The following RAB30 variants were observed in gnomAD, a reference collection of about 807,000 sequenced individuals.
RAB30 encodes the protein RAB30, member RAS oncogene family, also known as ras-related protein Rab-30.
RAB30 carries 9 observed loss-of-function variants against 25.1 expected under a neutral mutation model. That is an observed-to-expected ratio of 0.36 (90% CI 0.22 to 0.63). The LOEUF (loss-of-function observed/expected upper bound fraction) is 0.63, where lower values mean the gene tolerates loss of function less well. Among genes scored for constraint, RAB30 ranks in the 20% least tolerant of loss-of-function variants. The pLI is 0.69. For missense variants in RAB30, 140 were observed against 243.5 expected (o/e 0.58, Z 2.83); for synonymous variants, 77 against 86.4 (o/e 0.89, Z 0.60).
Position 82,979,732 on chromosome 11 carries a change from A to T in RAB30, c.*2433T>A, listed in dbSNP as rs1036457373. On this transcript the variant is annotated 3_prime_UTR_variant, in exon 5 of 5. Transcript: ENST00000527633. ...GCCTAATCTGGAATTCATACAACTAAGAAAAAAAGAAACAAAGTCCCACAT... is the reference window on the plus strand; with the variant it reads ...GCCTAATCTGGAATTCATACAACTATGAAAAAAAGAAACAAAGTCCCACAT... 3 of 152,324 alleles carry T rather than the reference A, an allele frequency of 2.0e-5. No individual in the cohort carries two copies. The highest frequency in any genetic ancestry group is 2.1e-4 in the South Asian group (1 of 4,824). 9.4% of individuals were successfully genotyped at this position (152,324 alleles called of 1,614,324 possible). A position where few individuals can be genotyped will look rare whatever the true frequency, so the allele number is the denominator to read the frequency against.
rs533375836 is a variant in RAB30 at position 82,975,507 on chromosome 11, A to G, written c.*6658T>C. ...GTTTTAGAATTTAGTGCACACGTAG[A>G]AAGGGGAAGAAACGCTTTTGGATGT... On this transcript the variant is annotated 3_prime_UTR_variant, in exon 5 of 5. Transcript: ENST00000527633. 2 of 152,292 alleles carry G rather than the reference A, an allele frequency of 1.3e-5. No homozygotes were observed. The highest frequency in any genetic ancestry group is 4.1e-4 in the South Asian group (2 of 4,826). The allele number at this position is 152,292 out of a possible 1,614,324, so 9.4% of individuals were successfully genotyped here. A position where few individuals can be genotyped will look rare whatever the true frequency, so the allele number is the denominator to read the frequency against.
At chr11:82,986,930 T>G (rs1856749114) in intron 4 of RAB30, 1 of 152,228 alleles carries the variant, frequency 6.6e-6, no homozygotes, top group South Asian at 2.1e-4. Context: ...AACGTTCCTT[T>G]CTAGGAAGAA....
intron 1 of RAB30, among the ~76,000 whole-genome samples, chr11:83,049,559 C>T (rs1216992027): frequency 1.3e-5 from 2 of 151,424 alleles, no homozygotes; most frequent in South Asian, 2.1e-4. Flanking sequence ...TAGCTCACTA[C>T]AGCCTCAACC....
rs1031434726 is a variant in RAB30 at position 82,974,366 on chromosome 11, T to C, written c.*7799A>G. ...TGATTGAATTTTTCATACAATCACC[T>C]TTCTACAGAAGGTTTTCAGCTAATT... On this transcript the variant is annotated 3_prime_UTR_variant, in exon 5 of 5. Coordinates refer to ENST00000527633, the MANE Select transcript of RAB30 (RefSeq NM_001286060.2). 2 of 152,200 alleles carry C rather than the reference T, an allele frequency of 1.3e-5. No individual in the cohort carries two copies. Among genetic ancestry groups the C allele is most frequent in the African/African-American group, 4.8e-5 (2 of 41,452 alleles). The allele number at this position is 152,200 out of a possible 1,614,324, so 9.4% of individuals were successfully genotyped here.
intron 1 of RAB30, among the ~76,000 whole-genome samples, chr11:83,060,793 G>C (rs10898073): frequency 0.053 from 8,043 of 152,228 alleles, 314 homozygotes; most frequent in East Asian, 0.11. Flanking sequence ...CTGCAAGACT[G>C]TTTCCAGAGG....
chr11:83,014,565 CA>C (rs1448477551), intron 1 of RAB30, among the ~76,000 whole-genome samples: 1 of 147,332 alleles, frequency 6.8e-6, no homozygotes, highest in African/African-American at 2.5e-5. Flanking sequence ...GAAAGAGAGA[CA>C]GGGGGAGACA....
chr11:83,017,864 T>C (rs1017170516), intron 1 of RAB30, among the ~76,000 whole-genome samples: 6 of 152,238 alleles, frequency 3.9e-5, no homozygotes, highest in Admixed American at 1.3e-4. Flanking sequence ...CTTTTTCATA[T>C]AATGACTTAC....
chr11:82,982,043 T>C lies in RAB30; in HGVS notation c.*122A>G, dbSNP rs1856647501. ...CCTTGGCCTGCCATGCTTTGTAAGC[T>C]CAGGAGCCCACAGGAGTCAGAAGGT... On this transcript the variant is annotated 3_prime_UTR_variant, in exon 5 of 5. Transcript: ENST00000527633. The C allele has an allele frequency of 5.2e-5, 71 of 1,370,992 alleles. 1 individual carries two copies. The South Asian group carries it at 9.2e-4, about 18-fold the overall frequency. 84.9% of individuals were successfully genotyped at this position (1,370,992 alleles called of 1,614,324 possible).
chr11:82,993,949 T>C, intron 3 of RAB30, 90 bp downstream of exon 3: 1 of 1,039,180 alleles, frequency 9.6e-7, no homozygotes, highest in Non-Finnish European at 1.5e-6. Flanking sequence ...GGGTTTCAAT[T>C]AGGAGATTTA....
chr11:82,990,279 T>C (rs2121448168), intron 3 of RAB30, among the ~76,000 whole-genome samples: 1 of 152,338 alleles, frequency 6.6e-6, no homozygotes, highest in Middle Eastern at 3.4e-3. Context: ...AGGCTGTCTT[T>C]TATTTGACCT....
chr11:82,992,463 C>A (rs921682511), intron 3 of RAB30: 5 of 445,462 alleles, frequency 1.1e-5, no homozygotes, highest in Non-Finnish European at 2.3e-5. Context: ...CTCCTAAACA[C>A]TTCTCTGTGA....
chr11:82,987,663 T>C lies in RAB30; in HGVS notation c.285A>G (p.Glu95=). ...GCCACTCAGGAAGGCAACGGAAGGATTCCTCACAGGTAATGTCATAGGTGA... is the reference window on the plus strand; with the variant it reads ...GCCACTCAGGAAGGCAACGGAAGGACTCCTCACAGGTAATGTCATAGGTGA... The part of the protein sequence containing the change: ...LILTYDITCE[E]SFRCLPEWLR... Residue 95 remains glutamate (E), a synonymous_variant, in exon 4 of 5, where the codon GAA becomes GAG. Coordinates refer to ENST00000527633, the MANE Select transcript of RAB30 (RefSeq NM_001286060.2). 1 of 1,613,906 alleles carries C rather than the reference T, an allele frequency of 6.2e-7. No individual in the cohort carries two copies.
intron 1 of RAB30, among the ~76,000 whole-genome samples, chr11:83,040,057 A>C (rs1480727705): frequency 6.6e-6 from 1 of 152,188 alleles, no homozygotes; most frequent in Admixed American, 6.5e-5. Flanking sequence ...CCAAAAGAAA[A>C]GGAAAAGTTG....
At chr11:83,065,904 T>C (rs575112677) in intron 1 of RAB30, among the ~76,000 whole-genome samples, 1 of 152,288 alleles carries the variant, frequency 6.6e-6, no homozygotes, top group East Asian at 1.9e-4. Context: ...AATATGTGCA[T>C]GTACGTATGA....
rs1238325695 is a variant in RAB30, at chr11:82,974,277, G to T, written c.*7888C>A. 6.6e-5 allele frequency: 10 copies of T among 152,136 alleles called. No homozygotes were observed. Among genetic ancestry groups the T allele is most frequent in the African/African-American group, 1.9e-4 (8 of 41,428 alleles). The allele number at this position is 152,136 out of a possible 1,614,324, so 9.4% of individuals were successfully genotyped here. A position where few individuals can be genotyped will look rare whatever the true frequency, so the allele number is the denominator to read the frequency against. On this transcript the variant is annotated 3_prime_UTR_variant, in exon 5 of 5. Transcript: ENST00000527633. ...TGATATCTTAATTTTAAAAAGAGAT[G>T]CAACTTCATTTAAGAATATTTTGTT...
rs1485209283 is a variant in RAB30, at chr11:82,994,457, C to T, written c.94-335G>A. ...AAGAATGAAAAAGAAAAATCAGACA[C>T]GAAGATAAGATTGAAGGGCATGCGA... On this transcript the variant is annotated intron_variant, in intron 2 of 4. Transcript: ENST00000527633. Among the ~76,000 whole-genome samples the T allele has an allele frequency of 3.3e-5, 5 of 152,098 alleles. No homozygotes were observed. The South Asian group carries it at 6.2e-4, about 19-fold the overall frequency.
intron 1 of RAB30, among the ~76,000 whole-genome samples, chr11:83,047,653 T>TA (rs1858262171): frequency 6.6e-6 from 1 of 152,174 alleles, no homozygotes; most frequent in South Asian, 2.1e-4. Flanking sequence ...TGACCACACA[T>TA]ACTTTCCCAA....
intron 1 of RAB30, among the ~76,000 whole-genome samples, chr11:83,070,521 T>A (rs1253156079): frequency 1.3e-5 from 2 of 152,116 alleles, no homozygotes; most frequent in Admixed American, 6.5e-5. Flanking sequence ...TCTTTTGACA[T>A]TCCAAGAGGG....
At chr11:83,012,536 G>T (rs1337439221) in intron 1 of RAB30, among the ~76,000 whole-genome samples, 1 of 152,110 alleles carries the variant, frequency 6.6e-6, no homozygotes, top group Non-Finnish European at 1.5e-5. Context: ...TCCTCTTGGT[G>T]CCTACATTTA....
Sources: gnomAD v4.1 joint callset for allele counts (sites outside exome capture counted in the v4.1 genomes callset) on GRCh38, gnomAD v4.1.1 for gene constraint, MANE v1.5 for transcripts, NCBI Gene and HGNC (gene_info 2026-07-23, HGNC 2026-07-21) for gene names.